The following GSK3B variants were observed in gnomAD, a reference collection of about 807,000 sequenced individuals.
GSK3B encodes the protein glycogen synthase kinase 3 beta.
GSK3B carries 15 observed loss-of-function variants against 56.4 expected under a neutral mutation model. That is an observed-to-expected ratio of 0.27 (90% CI 0.18 to 0.41). The LOEUF is 0.41. Among genes scored for constraint, GSK3B ranks in the 10% least tolerant of loss-of-function variants. The probability of loss-of-function intolerance (pLI) is 1.00; values close to 1 mark genes in which losing one functional copy is unlikely to be tolerated. For missense variants in GSK3B, 300 were observed against 513.4 expected, an observed-to-expected ratio of 0.58 and a Z score of 4.02; for synonymous variants, 181 against 188.9, an observed-to-expected ratio of 0.96 and a Z score of 0.34.
intron 7 of GSK3B, among the ~76,000 whole-genome samples, chr3:119,878,903 T>C (rs1031650734): frequency 2.6e-5 from 4 of 152,184 alleles, no homozygotes; most frequent in Non-Finnish European, 4.4e-5. Flanking sequence ...ACAGAAGATC[T>C]ATAGTTTTGA....
chr3:120,070,278 T>TA (rs58003137), intron 1 of GSK3B, among the ~76,000 whole-genome samples: 1,486 of 136,622 alleles, frequency 0.011, 11 homozygotes, highest in East Asian at 0.022. Flanking sequence ...ACAGTTTAAA[T>TA]AAAAAAAAAA....
intron 1 of GSK3B, among the ~76,000 whole-genome samples, chr3:120,068,985 T>A (rs78001869): frequency 6.6e-6 from 1 of 151,676 alleles, no homozygotes; most frequent in Non-Finnish European, 1.5e-5. Flanking sequence ...GAAATCCAAA[T>A]TCAGAACCCA....
chr3:120,034,172 G>A (rs878877723), intron 1 of GSK3B, among the ~76,000 whole-genome samples: 1 of 152,008 alleles, frequency 6.6e-6, no homozygotes, highest in Admixed American at 6.6e-5. Context: ...TTCCCTTTCT[G>A]TTGTCTCTTT....
At chr3:119,987,763 TAGAA>T (rs1202850596) in intron 2 of GSK3B, among the ~76,000 whole-genome samples, 2 of 152,192 alleles carry the variant, frequency 1.3e-5, no homozygotes, top group African/African-American at 4.8e-5. Flanking sequence ...AGCACACTAA[TAGAA>T]AGGTGAAATT....
rs1020261158 is a variant in GSK3B, at chr3:120,006,409, C to T, written c.89-4170G>A. Among the ~76,000 whole-genome samples the T allele has an allele frequency of 1.8e-4, 27 of 152,270 alleles. No homozygotes were observed. In the East Asian group the frequency reaches 2.1e-3, roughly 12 times the overall value. On this transcript the variant is annotated intron_variant, in intron 1 of 10. Coordinates refer to ENST00000264235, the MANE Select transcript of GSK3B (RefSeq NM_001146156.2). The stretch of plus-strand genomic sequence containing the variant: ...GACTTGAACTCAGCTTTGGACCAAG[C>T]GGACCTAATAGACACCTACAGAACT...
At chr3:119,955,379 A>G (rs2057203466) in intron 2 of GSK3B, among the ~76,000 whole-genome samples, 1 of 152,162 alleles carries the variant, frequency 6.6e-6, no homozygotes, top group Admixed American at 6.5e-5. Flanking sequence ...GAAGCCAACT[A>G]TGTGTCAGAA....
chr3:120,020,182 A>C (rs1459045447), intron 1 of GSK3B, among the ~76,000 whole-genome samples: 1 of 152,208 alleles, frequency 6.6e-6, no homozygotes, highest in East Asian at 1.9e-4. Context: ...ATAGCAGGTA[A>C]TAACTACGAG....
At chr3:119,867,103 T>C (rs538102333) in intron 8 of GSK3B, among the ~76,000 whole-genome samples, 1 of 152,320 alleles carries the variant, frequency 6.6e-6, no homozygotes, top group South Asian at 2.1e-4. Context: ...TCTCTATTAA[T>C]GTGTTCCAGT....
intron 1 of GSK3B, among the ~76,000 whole-genome samples, chr3:120,068,259 C>T (rs1336081287): frequency 6.6e-6 from 1 of 151,900 alleles, no homozygotes; most frequent in Non-Finnish European, 1.5e-5. Context: ...GACATGGTGG[C>T]ACGCGCCTGT....
intron 4 of GSK3B, among the ~76,000 whole-genome samples, chr3:119,917,712 A>C (rs1303078656): frequency 6.6e-6 from 1 of 151,652 alleles, no homozygotes; most frequent in Non-Finnish European, 1.5e-5. Context: ...GTTAATTTTA[A>C]GATGTCTTTT....
At chr3:119,858,289 T>A (rs892600381) in intron 9 of GSK3B, among the ~76,000 whole-genome samples, 1 of 152,254 alleles carries the variant, frequency 6.6e-6, no homozygotes, top group Admixed American at 6.5e-5. Context: ...CTTCTTCCAA[T>A]AGAAGGCTGT....
intron 2 of GSK3B, among the ~76,000 whole-genome samples, chr3:119,985,984 G>GAT (rs1179066380): frequency 6.6e-6 from 1 of 152,122 alleles, no homozygotes; most frequent in East Asian, 1.9e-4. Flanking sequence ...TACCAAAACA[G>GAT]ATATATAGAC....
chr3:119,940,132 G>GTGTGTGTA, intron 3 of GSK3B, among the ~76,000 whole-genome samples: 1 of 146,860 alleles, frequency 6.8e-6, no homozygotes, highest in East Asian at 2.0e-4. Flanking sequence ...GTGTGTGTGT[G>GTGTGTGTA]TATACACATG....
At chr3:120,064,236 T>A (rs1045775426) in intron 1 of GSK3B, among the ~76,000 whole-genome samples, 1 of 151,780 alleles carries the variant, frequency 6.6e-6, no homozygotes, top group African/African-American at 2.4e-5. Flanking sequence ...AAACCCTTAA[T>A]CTTGAAACAA....
intron 10 of GSK3B, among the ~76,000 whole-genome samples, chr3:119,841,687 A>G (rs1410640169): frequency 6.6e-6 from 1 of 152,214 alleles, no homozygotes; most frequent in Non-Finnish European, 1.5e-5. Flanking sequence ...ATGTTGTCCT[A>G]AAGTAATTGC....
chr3:120,010,332 T>G (rs2057767481), intron 1 of GSK3B, among the ~76,000 whole-genome samples: 1 of 152,204 alleles, frequency 6.6e-6, no homozygotes, highest in Admixed American at 6.5e-5. Context: ...CTCCCTCATT[T>G]GTAAAATAAC....
At chr3:119,984,805 T>C (rs562389511) in intron 2 of GSK3B, among the ~76,000 whole-genome samples, 101 of 152,196 alleles carry the variant, frequency 6.6e-4, no homozygotes, top group African/African-American at 2.1e-3. Flanking sequence ...TTTCAATCAA[T>C]AGAAAAAGAG....
At chr3:120,050,404 G>C (rs373204473) in intron 1 of GSK3B, among the ~76,000 whole-genome samples, 5 of 152,242 alleles carry the variant, frequency 3.3e-5, no homozygotes, top group African/African-American at 1.2e-4. Flanking sequence ...ACGGCTAGCC[G>C]TATTTGGCTT....
intron 1 of GSK3B, among the ~76,000 whole-genome samples, chr3:120,004,943 G>A (rs1034324266): frequency 2.6e-5 from 4 of 152,140 alleles, no homozygotes; most frequent in African/African-American, 9.7e-5. Context: ...GATGACAGAA[G>A]TAGGCTTCAG....
Sources: gnomAD v4.1 joint callset for allele counts (sites outside exome capture counted in the v4.1 genomes callset) on GRCh38, gnomAD v4.1.1 for gene constraint, MANE v1.5 for transcripts, NCBI Gene and HGNC (gene_info 2026-07-23, HGNC 2026-07-21) for gene names.